TENM3: variants seen among roughly 807,000 people sequenced by gnomAD.
TENM3 encodes the protein teneurin-3.
In TENM3, 63 loss-of-function variants were observed where a neutral mutation model predicts 255.1. The observed-to-expected ratio is 0.25, with a 90% CI of 0.20 to 0.30. The LOEUF is 0.30. Ranked by LOEUF, TENM3 falls within the 10% of genes least tolerant of loss-of-function variation. TENM3 has a pLI of 1.00. For missense variants in TENM3, 2,929 were observed against 3,461.1 expected, an observed-to-expected ratio of 0.85 and a Z score of 3.86; for synonymous variants, 1,306 against 1,322.3, an observed-to-expected ratio of 0.99 and a Z score of 0.27.
the TENM3 span, among the ~76,000 whole-genome samples, chr4:182,012,996 CAAAACAAAACAAAACA>C: frequency 6.6e-6 from 1 of 151,332 alleles, no homozygotes; most frequent in African/African-American, 2.4e-5. Flanking sequence ...CCTCTCAAAA[CAAAACAAAACAAAACA>C]AAAACAAAAA....
chr4:182,181,059 T>G (rs570662276), intron 1 of TENM3, among the ~76,000 whole-genome samples: 59 of 152,198 alleles, frequency 3.9e-4, no homozygotes, highest in Middle Eastern at 3.4e-3. Context: ...GATAACCTAG[T>G]TTTTCTTATC....
At chr4:182,100,051 T>C in the TENM3 span, among the ~76,000 whole-genome samples, 4 of 152,096 alleles carry the variant, frequency 2.6e-5, no homozygotes, top group South Asian at 2.1e-4. Flanking sequence ...GCAGGTAAGT[T>C]ACGTACATTT....
chr4:181,995,322 A>C, the TENM3 span, among the ~76,000 whole-genome samples: 2 of 152,074 alleles, frequency 1.3e-5, no homozygotes, highest in Non-Finnish European at 2.9e-5. Flanking sequence ...AAAAAGAAAC[A>C]ATACAGTGAA....
the TENM3 span, among the ~76,000 whole-genome samples, chr4:181,893,054 A>T: frequency 6.6e-6 from 1 of 150,446 alleles, no homozygotes; most frequent in Non-Finnish European, 1.5e-5. Context: ...CTTTAATGGC[A>T]TAATCAGATC....
chr4:182,739,747 C>T (rs189425295), intron 18 of TENM3, among the ~76,000 whole-genome samples: 27 of 152,218 alleles, frequency 1.8e-4, no homozygotes, highest in Non-Finnish European at 2.9e-4. Flanking sequence ...TGAAAATGCT[C>T]GTGCTGGGCC....
the TENM3 span, among the ~76,000 whole-genome samples, chr4:181,537,827 C>A: frequency 6.6e-6 from 1 of 152,166 alleles, no homozygotes; most frequent in South Asian, 2.1e-4. Flanking sequence ...CTAAAGCTGC[C>A]AAGACAAAAT....
upstream of TENM3, among the ~76,000 whole-genome samples, chr4:182,241,378 C>T (rs1757241396): frequency 6.6e-6 from 1 of 152,150 alleles, no homozygotes; most frequent in Non-Finnish European, 1.5e-5. Flanking sequence ...TGCCTTCATC[C>T]CTTCTTCTGT....
the TENM3 span, among the ~76,000 whole-genome samples, chr4:181,573,233 T>C: frequency 1.3e-5 from 2 of 152,186 alleles, no homozygotes; most frequent in Non-Finnish European, 2.9e-5. Flanking sequence ...ATCTACTGAT[T>C]TCCTTTCCTC....
At chr4:182,451,060 A>G (rs1773415373) in intron 3 of TENM3, among the ~76,000 whole-genome samples, 1 of 152,162 alleles carries the variant, frequency 6.6e-6, no homozygotes, top group Non-Finnish European at 1.5e-5. Flanking sequence ...CCTGCATTTT[A>G]CCTTGTTTTC....
At chr4:181,994,494 A>G in the TENM3 span, among the ~76,000 whole-genome samples, 1 of 140,886 alleles carries the variant, frequency 7.1e-6, no homozygotes, top group Admixed American at 6.9e-5. Context: ...ATCAGCTTCT[A>G]TTGTTTTGTT....
chr4:181,534,873 T>A, the TENM3 span, among the ~76,000 whole-genome samples: 2 of 152,134 alleles, frequency 1.3e-5, no homozygotes, highest in Non-Finnish European at 2.9e-5. Flanking sequence ...TAACTTCCGA[T>A]TTTATATCTG....
chr4:182,557,975 C>T lies in TENM3; in HGVS notation c.512-42949C>T, dbSNP rs75795708. ...ACTTCCCGCTTGATCTGATTGATTC[C>T]GTTTCTTTGGAGTATTAGAAAGAGA... is the stretch of plus-strand genomic sequence containing the variant. On this transcript the variant is annotated intron_variant, in intron 3 of 27. Coordinates refer to ENST00000511685, the MANE Select transcript of TENM3 (RefSeq NM_001080477.4). Among the ~76,000 whole-genome samples the T allele has an allele frequency of 1.1e-3, 166 of 152,246 alleles. 1 individual carries two copies. In the East Asian group the frequency reaches 0.027, roughly 25 times the overall value.
the TENM3 span, among the ~76,000 whole-genome samples, chr4:181,636,932 C>A: frequency 2.0e-5 from 3 of 152,188 alleles, no homozygotes; most frequent in African/African-American, 7.2e-5. Flanking sequence ...ACCTCAGCCC[C>A]TACCCCTCTG....
the TENM3 span, among the ~76,000 whole-genome samples, chr4:181,796,547 C>T: frequency 7.8e-4 from 119 of 152,166 alleles, 1 homozygote; most frequent in South Asian, 0.024. Flanking sequence ...AGGGTTATGC[C>T]AGAGGCAGGG....
chr4:181,499,046 C>T, the TENM3 span, among the ~76,000 whole-genome samples: 3 of 152,034 alleles, frequency 2.0e-5, no homozygotes, highest in East Asian at 1.9e-4. Flanking sequence ...CTGGTTTAAC[C>T]GAATTCAGTT....
At chr4:181,540,104 C>A in the TENM3 span, among the ~76,000 whole-genome samples, 6,806 of 152,006 alleles carry the variant, frequency 0.045, 226 homozygotes, top group South Asian at 0.15. Flanking sequence ...ACAGAATAGA[C>A]GCCATGATGA....
At chr4:182,067,342 C>A in the TENM3 span, among the ~76,000 whole-genome samples, 1 of 152,170 alleles carries the variant, frequency 6.6e-6, no homozygotes, top group Non-Finnish European at 1.5e-5. Context: ...CTGCATGAAA[C>A]TTCAGCAGCT....
At chr4:181,788,688 G>A in the TENM3 span, among the ~76,000 whole-genome samples, 7 of 152,058 alleles carry the variant, frequency 4.6e-5, no homozygotes, top group Admixed American at 6.6e-5. Context: ...GCCTGGAATC[G>A]CTCGAGCGAT....
At chr4:181,818,453 G>A in the TENM3 span, among the ~76,000 whole-genome samples, 2 of 152,012 alleles carry the variant, frequency 1.3e-5, no homozygotes, top group South Asian at 2.1e-4. Flanking sequence ...ATAGATTGTG[G>A]TCTTGCTTCA....
Sources: gnomAD v4.1 joint callset for allele counts (sites outside exome capture counted in the v4.1 genomes callset) on GRCh38, gnomAD v4.1.1 for gene constraint, MANE v1.5 for transcripts, NCBI Gene and HGNC (gene_info 2026-07-23, HGNC 2026-07-21) for gene names.